The following PES1 variants were observed in gnomAD, a reference collection of about 807,000 sequenced individuals.
PES1 encodes the protein pescadillo homolog.
In PES1, 31 loss-of-function variants were observed where a neutral mutation model predicts 77.1. That is an observed-to-expected ratio of 0.40 (90% CI 0.30 to 0.54). The LOEUF (loss-of-function observed/expected upper bound fraction) is 0.54. Among genes scored for constraint, PES1 ranks in the 20% least tolerant of loss-of-function variants. PES1 has a pLI of 0.45. For missense variants in PES1, 658 were observed against 771.7 expected, an observed-to-expected ratio of 0.85 and a Z score of 1.75; for synonymous variants, 282 against 303.0, an observed-to-expected ratio of 0.93 and a Z score of 0.72.
At position 30,588,099 on chromosome 22, in the gene PES1, T is replaced by C; in HGVS notation, c.180A>G (p.Ala60=). 1 of 1,614,236 alleles carries C rather than the reference T, an allele frequency of 6.2e-7. No individual in the cohort carries two copies. The change falls in exon 3 of 15, where the codon GCA becomes GCG. Residue 60 remains alanine, a synonymous_variant. Transcript: ENST00000354694. ...CTTTGATAAGGTAAAACGTTCGGGC[T>C]GCTGTAGAACCCTTGTTAACCTTCT... ...HKKKVNKGST[A]ARTFYLIKDI... is the part of the protein sequence containing the mutation.
Position 30,579,866 on chromosome 22 carries a change from G to A in PES1, c.1239C>T (p.Tyr413=). The stretch of plus-strand genomic sequence containing the variant: ...GTGGGGGCAGCTGCACCCCAGAGAA[G>A]TACTCTGCCACGGGGAGAAGGAGCC... ...NARLLLPVAE[Y]FSGVQLPPHL... Residue 413 remains tyrosine, a synonymous_variant, in exon 12 of 15, where the codon TAC becomes TAT. Coordinates refer to ENST00000354694, the MANE Select transcript of PES1 (RefSeq NM_014303.4). The A allele has an allele frequency of 6.2e-7, 1 of 1,614,120 alleles. No homozygotes were observed. The highest frequency in any genetic ancestry group is 1.1e-5 in the South Asian group (1 of 91,090).
At chr22:30,602,195 G>A (rs2087366002) in intron 2 of PES1, among the ~76,000 whole-genome samples, 1 of 152,112 alleles carries the variant, frequency 6.6e-6, no homozygotes, top group African/African-American at 2.4e-5. Context: ...CATGGAGGTG[G>A]TTTCCCCCAT....
intron 14 of PES1, among the ~76,000 whole-genome samples, chr22:30,578,242 A>C (rs1377756147): frequency 6.6e-6 from 1 of 152,236 alleles, no homozygotes; most frequent in Non-Finnish European, 1.5e-5. Context: ...AGATTGCTCC[A>C]CTGCACTCTA....
At chr22:30,605,534 T>C (rs1439945762) in intron 1 of PES1, 7 of 969,322 alleles carry the variant, frequency 7.2e-6, no homozygotes, top group African/African-American at 1.8e-5. Context: ...ATAGGAATCA[T>C]AATAGTTGTT....
chr22:30,580,088 G>A lies in PES1; in HGVS notation c.1134C>T (p.Val378=), dbSNP rs117710626. The change falls in exon 11 of 15, where the codon GTC becomes GTT. Residue 378 remains valine (V), a synonymous_variant. Coordinates refer to ENST00000354694, the MANE Select transcript of PES1 (RefSeq NM_014303.4). ...VTDSRITHQI[V]DRPGQQTSVI... is the part of the protein sequence containing the mutation. ...CTGAGGTCTGCTGCCCAGGCCGGTC[G>A]ACAATCTGATGGGTGATGCGGGAGT... 2.3e-4 allele frequency: 376 copies of A among 1,614,152 alleles called. 2 individuals carry two copies. In the East Asian group the frequency reaches 7.7e-3, roughly 33 times the overall value.
chr22:30,580,251 C>A, intron 10 of PES1, 73 bp from the exon 11 acceptor site: 1 of 1,537,610 alleles, frequency 6.5e-7, no homozygotes, highest in Non-Finnish European at 8.8e-7. Flanking sequence ...CTCCCTGGGA[C>A]CTGCTGGCCA....
rs2146462766 is a variant in PES1 at position 30,581,620 on chromosome 22, C to T, written c.655G>A (p.Val219Ile). Reference protein sequence around the residue: ...HDHPTDVDYRVMATFTEFYTT... With the variant: ...HDHPTDVDYRIMATFTEFYTT... ...TAGAACTCGGTGAAGGTGGCCATGA[C>T]CCTGTAGTCCACGTCTGTCGGGTGC... Residue 219 changes from valine to isoleucine, a missense_variant, in exon 7 of 15, where the codon GTC (valine) becomes ATC (isoleucine). Val to Ile is a conservative substitution (Grantham distance 29). Transcript: ENST00000354694. The T allele has an allele frequency of 6.4e-7, 1 of 1,560,072 alleles. No individual in the cohort carries two copies. The highest frequency in any genetic ancestry group is 8.6e-7 in the Non-Finnish European group (1 of 1,157,732).
chr22:30,588,310 T>C (rs893560151), intron 2 of PES1, 136 bp from the exon 3 acceptor site: 11 of 928,654 alleles, frequency 1.2e-5, no homozygotes, highest in Middle Eastern at 3.0e-4. Context: ...TCCTAGTACA[T>C]GAGTCTGACA....
chr22:30,603,056 G>A (rs1337694275), intron 2 of PES1, among the ~76,000 whole-genome samples: 1 of 151,308 alleles, frequency 6.6e-6, no homozygotes, highest in African/African-American at 2.4e-5. Context: ...GACTACAGGA[G>A]CCCACCACCA....
intron 4 of PES1, 37 bp downstream of exon 4, chr22:30,587,249 G>A: frequency 7.3e-7 from 1 of 1,379,098 alleles, no homozygotes; most frequent in Non-Finnish European, 1.0e-6. Flanking sequence ...AGCAGTAAAT[G>A]AAGAAACAGC....
chr22:30,598,759 A>T (rs998411741), intron 2 of PES1, among the ~76,000 whole-genome samples: 5 of 151,860 alleles, frequency 3.3e-5, no homozygotes, highest in African/African-American at 4.8e-5. Context: ...TTGTGTATAT[A>T]TGTGGTTAGA....
chr22:30,576,954 ACT>A lies in PES1; in HGVS notation c.*90_*91del. The stretch of plus-strand genomic sequence containing the variant: ...GCTGGAGAAAGGAGGAGGAGAAGTG[ACT>A]CTGGTCCATCACACTTAGGTCCTCT... On this transcript the variant is annotated 3_prime_UTR_variant, in exon 15 of 15. Transcript: ENST00000354694. 9.8e-7 allele frequency: 1 copy of A among 1,022,726 alleles called. No individual in the cohort carries two copies. Among genetic ancestry groups the A allele is most frequent in the Non-Finnish European group, 1.5e-6 (1 of 646,310 alleles). 63.4% of individuals were successfully genotyped at this position (1,022,726 alleles called of 1,614,324 possible). A position where few individuals can be genotyped will look rare whatever the true frequency, so the allele number is the denominator to read the frequency against.
intron 14 of PES1, 21 bp from the exon 15 acceptor site, chr22:30,577,150 G>A: frequency 6.2e-7 from 1 of 1,607,266 alleles, no homozygotes; most frequent in Non-Finnish European, 8.5e-7. Flanking sequence ...GAAGGCGAAG[G>A]TCAGGCTGAG....
chr22:30,591,600 C>T (rs953511071), intron 1 of PES1, among the ~76,000 whole-genome samples: 7 of 152,230 alleles, frequency 4.6e-5, no homozygotes, highest in African/African-American at 1.7e-4. Context: ...GCCCTCTCCA[C>T]AGAAAGAACT....
chr22:30,596,846 C>A (rs1271995154), upstream of PES1, among the ~76,000 whole-genome samples: 1 of 152,166 alleles, frequency 6.6e-6, no homozygotes, highest in East Asian at 1.9e-4. Flanking sequence ...CCTCAGCCTG[C>A]GGGGAGGTGT....
chr22:30,603,519 C>T lies in PES1; in HGVS notation c.-661+1942G>A, dbSNP rs953235933. 1.3e-4 allele frequency among the ~76,000 whole-genome samples: 20 copies of T among 151,950 alleles called. 3 individuals carry two copies. The highest frequency in any genetic ancestry group is 1.2e-3 in the Admixed American group (18 of 15,234). On this transcript the variant is annotated intron_variant, in intron 2 of 16. Coordinates refer to the PES1 transcript ENST00000402281. ...GCCTCAACCTCCCAAGTAGCTGGGA[C>T]CACAGGCACATGCCACCATGCCCGG... is the stretch of plus-strand genomic sequence containing the variant.
chr22:30,602,327 G>A (rs1477637323), intron 2 of PES1, among the ~76,000 whole-genome samples: 15 of 151,984 alleles, frequency 9.9e-5, no homozygotes, highest in African/African-American at 3.4e-4. Flanking sequence ...TTTCTGCCAC[G>A]ATTGCAAGTT....
At chr22:30,601,809 G>A (rs2087358702) in intron 2 of PES1, 1 of 147,924 alleles carries the variant, frequency 6.8e-6, no homozygotes, top group Admixed American at 6.8e-5. Flanking sequence ...GTCTCGCTCT[G>A]TTTCCCAGGC....
At chr22:30,606,761 T>A (rs1265825279) in intron 1 of PES1, 20 of 510,496 alleles carry the variant, frequency 3.9e-5, no homozygotes, top group Middle Eastern at 9.8e-4. Context: ...CCGCCACAAC[T>A]GAGGGAGGCG....
Sources: allele counts gnomAD v4.1 joint callset (sites outside exome capture counted in the v4.1 genomes callset), GRCh38; gene constraint gnomAD v4.1.1; transcripts MANE v1.5; gene names NCBI Gene and HGNC (gene_info 2026-07-23, HGNC 2026-07-21).